Variants in PKIB observed in about 807,000 individuals in gnomAD.
The protein encoded by PKIB is cAMP-dependent protein kinase inhibitor beta.
In PKIB, 2 loss-of-function variants were observed where a neutral mutation model predicts 4.5. The observed-to-expected ratio is 0.44, with a 90% CI of 0.18 to 1.39. The LOEUF (loss-of-function observed/expected upper bound fraction) is 1.39, where lower values mean the gene tolerates loss of function less well. PKIB is among the 40% of genes most tolerant of loss of function. The probability of loss-of-function intolerance (pLI) is 0.27; values close to 1 mark genes in which losing one functional copy is unlikely to be tolerated. For synonymous variants in PKIB, 38 were observed against 36.0 expected (o/e 1.06, Z -0.20); for missense variants, 94 against 92.6 (o/e 1.02, Z -0.06).
At chr6:122,650,054 T>C (rs530424332) in intron 2 of PKIB, among the ~76,000 whole-genome samples, 1 of 152,232 alleles carries the variant, frequency 6.6e-6, no homozygotes, top group African/African-American at 2.4e-5. Context: ...TTGGCCAAAG[T>C]AGTACACCGA....
chr6:122,477,904 T>C (rs1775492546), exon 2 of PKIB: 1 of 152,228 alleles, frequency 6.6e-6, no homozygotes. Flanking sequence ...CAAGAAAGTA[T>C]GGACACCCCT....
upstream of PKIB, among the ~76,000 whole-genome samples, chr6:122,609,235 A>G (rs1774650136): frequency 6.6e-6 from 1 of 152,238 alleles, no homozygotes; most frequent in Non-Finnish European, 1.5e-5. Flanking sequence ...GCAGAGTATA[A>G]TTTAAGGAAG....
intron 2 of PKIB, among the ~76,000 whole-genome samples, chr6:122,574,554 A>G (rs890921459): frequency 6.6e-6 from 1 of 152,198 alleles, no homozygotes; most frequent in South Asian, 2.1e-4. Flanking sequence ...CACTGGTATA[A>G]AAATAGGCAT....
chr6:122,695,894 G>A (rs1356474256), intron 3 of PKIB, among the ~76,000 whole-genome samples: 1 of 151,946 alleles, frequency 6.6e-6, no homozygotes, highest in African/African-American at 2.4e-5. Context: ...CTGTGGTAAA[G>A]ATTAAATAAA....
At chr6:122,487,150 A>G (rs758992272) in intron 2 of PKIB, among the ~76,000 whole-genome samples, 1 of 152,192 alleles carries the variant, frequency 6.6e-6, no homozygotes, top group Non-Finnish European at 1.5e-5. Context: ...CCAGTGATAT[A>G]TTTTATAACA....
At chr6:122,526,806 A>G (rs1047201458) in intron 2 of PKIB, among the ~76,000 whole-genome samples, 3 of 152,106 alleles carry the variant, frequency 2.0e-5, no homozygotes, top group African/African-American at 7.2e-5. Flanking sequence ...TTTCTAGCTA[A>G]AGTTACCAGC....
intron 2 of PKIB, among the ~76,000 whole-genome samples, chr6:122,533,003 C>T (rs184840914): frequency 5.9e-5 from 9 of 152,170 alleles, no homozygotes; most frequent in African/African-American, 2.2e-4. Flanking sequence ...AATATCTATT[C>T]AAGTCCTTTG....
At chr6:122,687,402 AT>A (rs1204534463) in intron 3 of PKIB, among the ~76,000 whole-genome samples, 1 of 152,014 alleles carries the variant, frequency 6.6e-6, no homozygotes, top group African/African-American at 2.4e-5. Context: ...AGGTCATGTG[AT>A]TCCTCTTGTT....
chr6:122,720,680 A>G (rs186699539), intron 4 of PKIB, among the ~76,000 whole-genome samples: 20 of 150,886 alleles, frequency 1.3e-4, no homozygotes, highest in Admixed American at 6.0e-4. Flanking sequence ...AGTTTCTGAG[A>G]TATACATTTT....
intron 1 of PKIB, among the ~76,000 whole-genome samples, chr6:122,474,801 T>G (rs374022679): frequency 3.3e-5 from 5 of 152,298 alleles, no homozygotes; most frequent in African/African-American, 1.2e-4. Context: ...CATTCTTACA[T>G]ATAGGTAAAT....
intron 1 of PKIB, among the ~76,000 whole-genome samples, chr6:122,614,463 C>G (rs1046423190): frequency 6.6e-6 from 1 of 152,204 alleles, no homozygotes; most frequent in African/African-American, 2.4e-5. Flanking sequence ...CTTCTAAGCA[C>G]TCTTATTGGC....
intron 2 of PKIB, among the ~76,000 whole-genome samples, chr6:122,572,280 C>T (rs1773389869): frequency 1.3e-5 from 2 of 151,976 alleles, no homozygotes; most frequent in Non-Finnish European, 2.9e-5. Context: ...AACACAGGAG[C>T]TCCAAGATTT....
At chr6:122,717,557 T>C (rs1208761272) in intron 3 of PKIB, 2 of 500,918 alleles carry the variant, frequency 4.0e-6, no homozygotes, top group African/African-American at 2.0e-5. Flanking sequence ...CTCATTCGGC[T>C]CAGGGGTTAT....
Position 122,604,392 on chromosome 6 carries a change from TAGA to T in PKIB, c.-161+18389_-161+18391del, listed in dbSNP as rs569387173. Among the ~76,000 whole-genome samples the T allele has an allele frequency of 1.6e-3, 251 of 152,252 alleles. 2 individuals are homozygous for T. Among genetic ancestry groups the T allele is most frequent in the African/African-American group, 5.5e-3 (230 of 41,556 alleles). On this transcript the variant is annotated intron_variant, in intron 3 of 6. Transcript: ENST00000392491. ...AAATTCCTCAATAAGTTTCCCAAAGTAGAAGATTTGTGCACAGGAATTTGAAGA... is the reference window on the plus strand; with the variant it reads ...AAATTCCTCAATAAGTTTCCCAAAGTAGATTTGTGCACAGGAATTTGAAGA...
chr6:122,544,338 G>T (rs1168196286), intron 2 of PKIB, among the ~76,000 whole-genome samples: 1 of 151,012 alleles, frequency 6.6e-6, no homozygotes. Flanking sequence ...AAAGTGAAAA[G>T]TCATATACTT....
intron 3 of PKIB, among the ~76,000 whole-genome samples, chr6:122,705,517 C>T (rs797006751): frequency 1.3e-5 from 2 of 149,174 alleles, no homozygotes; most frequent in African/African-American, 4.9e-5. Flanking sequence ...TTTTAATATG[C>T]TTTAATGGTT....
At chr6:122,648,044 T>A (rs1776396452) in intron 2 of PKIB, among the ~76,000 whole-genome samples, 1 of 152,246 alleles carries the variant, frequency 6.6e-6, no homozygotes, top group Non-Finnish European at 1.5e-5. Context: ...CTGCGTGGTA[T>A]AGCCCAATTT....
intron 1 of PKIB, among the ~76,000 whole-genome samples, chr6:122,476,760 A>G (rs537709116): frequency 1.1e-4 from 17 of 152,316 alleles, no homozygotes; most frequent in African/African-American, 4.1e-4. Context: ...AAAAGTGTAA[A>G]TGACATTTCT....
chr6:122,511,177 G>A (rs1776574172), intron 2 of PKIB, among the ~76,000 whole-genome samples: 1 of 152,108 alleles, frequency 6.6e-6, no homozygotes, highest in Admixed American at 6.5e-5. Flanking sequence ...AACAGGCAAA[G>A]GAATTTCCTT....
Sources: allele counts gnomAD v4.1 joint callset (sites outside exome capture counted in the v4.1 genomes callset), GRCh38; gene constraint gnomAD v4.1.1; transcripts MANE v1.5; gene names NCBI Gene and HGNC (gene_info 2026-07-23, HGNC 2026-07-21).